The following WWC1 variants were observed in gnomAD, a reference collection of about 807,000 sequenced individuals.
WWC1 encodes the protein WW and C2 domain containing 1, also known as protein KIBRA.
WWC1 carries 55 observed loss-of-function variants against 138.4 expected under a neutral mutation model. The observed-to-expected ratio is 0.40, with a 90% CI of 0.32 to 0.50. The LOEUF is 0.50. WWC1 is among the 20% of genes least tolerant of loss of function. WWC1 has a pLI of 0.72. For synonymous variants in WWC1, 524 were observed against 564.9 expected (o/e 0.93, Z 1.03); for missense variants, 1,226 against 1,420.4 (o/e 0.86, Z 2.20).
At chr5:168,419,865 A>G (rs1256821916) in intron 9 of WWC1, among the ~76,000 whole-genome samples, 2 of 152,190 alleles carry the variant, frequency 1.3e-5, no homozygotes, top group East Asian at 3.9e-4. Context: ...GGGCTGAGAT[A>G]TGGTCCAAAA....
intron 17 of WWC1, among the ~76,000 whole-genome samples, chr5:168,450,564 G>T (rs1755703524): frequency 6.6e-6 from 1 of 152,150 alleles, no homozygotes; most frequent in African/African-American, 2.4e-5. Context: ...TACTCGGGAG[G>T]CTGAGGCGGG....
chr5:168,415,677 C>A (rs1162622724), intron 9 of WWC1: 2 of 151,890 alleles, frequency 1.3e-5, no homozygotes, highest in Non-Finnish European at 2.9e-5. Context: ...GGTCCCTGCC[C>A]CATGACCTTT....
At position 168,292,417 on chromosome 5, in the gene WWC1, C is replaced by G. The variant is rs575060558; in HGVS notation, c.119+146C>G. 1.8e-4 allele frequency: 171 copies of G among 969,028 alleles called. No individual in the cohort carries two copies. The highest frequency in any genetic ancestry group is 4.7e-4 in the East Asian group (15 of 31,812). The allele number at this position is 969,028 out of a possible 1,614,324, so 60.0% of individuals were successfully genotyped here. A position where few individuals can be genotyped will look rare whatever the true frequency, so the allele number is the denominator to read the frequency against. ...TTCAGTTCGCCACCCCCTGCTCCCC[C>G]CAACCTTCTGGAGCGCTGCTCCCGC... On this transcript the variant is annotated intron_variant, in intron 1 of 22. Coordinates refer to ENST00000265293, the MANE Select transcript of WWC1 (RefSeq NM_015238.3). The surrounding 1 kb of genome is among the most constrained non-coding windows in gnomAD (Gnocchi z 4.4).
chr5:168,454,672 C>T (rs1756143907), intron 18 of WWC1, among the ~76,000 whole-genome samples: 1 of 152,036 alleles, frequency 6.6e-6, no homozygotes, highest in East Asian at 1.9e-4. Flanking sequence ...GCTGGAGTAC[C>T]GCACAGAGGT....
intron 1 of WWC1, among the ~76,000 whole-genome samples, chr5:168,359,090 C>CTG (rs761931420): frequency 2.6e-4 from 39 of 151,268 alleles, no homozygotes; most frequent in Admixed American, 4.6e-4. Context: ...GACTCTCACT[C>CTG]TGTCACCCAG....
In WWC1 at chr5:168,423,971, G is replaced by A; in HGVS notation, c.1713G>A (p.Glu571=). ...FLNSLEFEDP[E]LSATLCELSL... is the part of the protein sequence containing the mutation. ...ACTCCTTGGAGTTTGAAGACCCGGA[G>A]CTGAGTGCCACTCTTTGTGAACTGA... Residue 571 remains glutamate (E), a synonymous_variant, in exon 11 of 23, where the codon GAG becomes GAA. Transcript: ENST00000265293. The A allele has an allele frequency of 6.2e-7, 1 of 1,614,150 alleles. No individual in the cohort carries two copies. Among genetic ancestry groups the A allele is most frequent in the African/African-American group, 1.3e-5 (1 of 75,030 alleles).
chr5:168,364,007 G>A (rs980481465), intron 1 of WWC1, among the ~76,000 whole-genome samples: 3 of 152,068 alleles, frequency 2.0e-5, no homozygotes, highest in Admixed American at 6.6e-5. Flanking sequence ...TTCACAACGC[G>A]CAGAACTCTC....
In WWC1 at chr5:168,431,381, T is replaced by C; in HGVS notation, c.2217T>C (p.Leu739=). ...VFWVSMSYPA[L]HQKTLRVDVC... The stretch of plus-strand genomic sequence containing the variant: ...GGGTATCCATGTCCTATCCAGCCCT[T>C]CACCAGAAGACCTTAAGAGTCGATG... Residue 739 remains leucine, a synonymous_variant, in exon 15 of 23, where the codon CTT becomes CTC. Transcript: ENST00000265293. 6.2e-7 allele frequency: 1 copy of C among 1,613,994 alleles called. No individual in the cohort carries two copies. The highest frequency in any genetic ancestry group is 8.5e-7 in the Non-Finnish European group (1 of 1,179,994).
chr5:168,467,587 A>AT (rs1757405903), intron 21 of WWC1: 1 of 451,104 alleles, frequency 2.2e-6, no homozygotes, highest in Non-Finnish European at 3.9e-6. Flanking sequence ...GGTAGCGCAC[A>AT]TTTCAACAGG....
chr5:168,426,653 C>A (rs969939864), intron 11 of WWC1, among the ~76,000 whole-genome samples: 1 of 152,232 alleles, frequency 6.6e-6, no homozygotes, highest in African/African-American at 2.4e-5. Context: ...GAGGTCTCCG[C>A]GGGCTCAGCA....
At chr5:168,351,792 G>C (rs71603857) in intron 1 of WWC1, among the ~76,000 whole-genome samples, 3,653 of 152,282 alleles carry the variant, frequency 0.024, 70 homozygotes, top group Non-Finnish European at 0.036. Flanking sequence ...TCTGCACCAC[G>C]TGCCGCCTGC....
chr5:168,428,272 AC>A (rs1781669498), intron 12 of WWC1, 131 bp downstream of exon 12: 1 of 835,676 alleles, frequency 1.2e-6, no homozygotes, highest in Non-Finnish European at 1.9e-6. Context: ...AGAGGGCATG[AC>A]CCCACCTTCC....
chr5:168,349,281 C>A (rs572969349), intron 1 of WWC1, among the ~76,000 whole-genome samples: 35 of 152,332 alleles, frequency 2.3e-4, no homozygotes, highest in African/African-American at 7.5e-4. Flanking sequence ...CTGACACCCC[C>A]ACCCAGTTCT....
chr5:168,318,849 C>A (rs1404580183), intron 1 of WWC1, among the ~76,000 whole-genome samples: 1 of 152,090 alleles, frequency 6.6e-6, no homozygotes, highest in East Asian at 1.9e-4. Context: ...CATGAGCCAC[C>A]ATGCCTGGCC....
At chr5:168,324,013 T>TCAACTTAA (rs1224337870) in intron 1 of WWC1, among the ~76,000 whole-genome samples, 4 of 152,200 alleles carry the variant, frequency 2.6e-5, no homozygotes, top group African/African-American at 9.7e-5. Flanking sequence ...AAAAATACTG[T>TCAACTTAA]CAACTTAACA....
chr5:168,313,095 A>G (rs1561596332), intron 1 of WWC1, among the ~76,000 whole-genome samples: 1 of 152,174 alleles, frequency 6.6e-6, no homozygotes, highest in South Asian at 2.1e-4. Context: ...GGCATGAGCC[A>G]CTGTGCCCAG....
At chr5:168,352,350 A>C (rs1198097661) in intron 1 of WWC1, among the ~76,000 whole-genome samples, 1 of 152,068 alleles carries the variant, frequency 6.6e-6, no homozygotes, top group Admixed American at 6.6e-5. Flanking sequence ...TCCAGTAATT[A>C]TTCAAATATC....
At chr5:168,387,286 TGAAGCC>T (rs1778117831) in intron 3 of WWC1, among the ~76,000 whole-genome samples, 1 of 152,188 alleles carries the variant, frequency 6.6e-6, no homozygotes, top group Admixed American at 6.5e-5. Context: ...TCCCCTAGTG[TGAAGCC>T]CTTACTTTGA....
chr5:168,343,071 G>A (rs1284359050), intron 1 of WWC1, among the ~76,000 whole-genome samples: 1 of 152,060 alleles, frequency 6.6e-6, no homozygotes, highest in Non-Finnish European at 1.5e-5. Flanking sequence ...GAGCCTGGGG[G>A]GTTTGTATGC....
Sources: gnomAD v4.1 joint callset for allele counts (sites outside exome capture counted in the v4.1 genomes callset) on GRCh38, gnomAD v4.1.1 for gene constraint, Gnocchi (gnomAD v3.1) non-coding constraint, MANE v1.5 for transcripts, NCBI Gene and HGNC (gene_info 2026-07-23, HGNC 2026-07-21) for gene names.